Variants in ZEB1 observed in about 807,000 individuals in gnomAD.
The protein encoded by ZEB1 is zinc finger E-box binding homeobox 1.
ZEB1 carries 21 observed loss-of-function variants against 84.9 expected under a neutral mutation model. That is an observed-to-expected ratio of 0.25 (90% CI 0.18 to 0.36). The LOEUF (loss-of-function observed/expected upper bound fraction) is 0.36. ZEB1 is among the 10% of genes least tolerant of loss of function. The probability of loss-of-function intolerance (pLI) is 1.00; values close to 1 mark genes in which losing one functional copy is unlikely to be tolerated. For missense variants in ZEB1, 1,104 were observed against 1,330.2 expected (o/e 0.83, Z 2.65); for synonymous variants, 420 against 471.1 (o/e 0.89, Z 1.41).
rs751082362 is a variant in ZEB1 at position 31,521,677 on chromosome 10, G to C, written c.2345G>C (p.Ser782Thr). The C allele has an allele frequency of 1.2e-6, 2 of 1,614,158 alleles. No homozygotes were observed. The highest frequency in any genetic ancestry group is 2.2e-5 in the South Asian group (2 of 91,082). The change falls in exon 7 of 9, where the codon AGT (serine) becomes ACT (threonine). Residue 782 changes from serine to threonine, a missense_variant. This residue lies in a region of ZEB1 where 531 missense variants were observed against 575.2 expected (regional missense o/e 0.92). Coordinates refer to ENST00000424869, the MANE Select transcript of ZEB1 (RefSeq NM_001174096.2). ...GCAAAAAAGGAGCCACAAAAGGACA[G>C]TTGTGTTACAGACTCAGAACCAGTT... The part of the protein sequence containing the change: ...SCAKKEPQKD[S>T]CVTDSEPVVN...
At chr10:31,337,397 A>G (rs2038360158) in intron 1 of ZEB1, among the ~76,000 whole-genome samples, 1 of 152,056 alleles carries the variant, frequency 6.6e-6, no homozygotes, top group Non-Finnish European at 1.5e-5. Flanking sequence ...TTATTGTATT[A>G]CTTATTATAC....
chr10:31,437,392 A>G (rs1489290210), intron 1 of ZEB1, among the ~76,000 whole-genome samples: 1 of 152,232 alleles, frequency 6.6e-6, no homozygotes, highest in Non-Finnish European at 1.5e-5. Context: ...TTGACAACTC[A>G]AGCTTGTAAC....
chr10:31,333,120 A>G (rs1009939537), intron 1 of ZEB1, among the ~76,000 whole-genome samples: 3 of 152,160 alleles, frequency 2.0e-5, no homozygotes, highest in Admixed American at 2.0e-4. Flanking sequence ...AAATGGTATA[A>G]AGCAGTAAGG....
intron 1 of ZEB1, among the ~76,000 whole-genome samples, chr10:31,454,708 T>C (rs1409327403): frequency 6.6e-6 from 1 of 152,148 alleles, no homozygotes; most frequent in Non-Finnish European, 1.5e-5. Context: ...TTACAAGGGA[T>C]GTGAAGGACC....
At chr10:31,458,798 A>C (rs1160221240) in intron 1 of ZEB1, among the ~76,000 whole-genome samples, 1 of 152,120 alleles carries the variant, frequency 6.6e-6, no homozygotes, top group Non-Finnish European at 1.5e-5. Context: ...ACAGGCAAAA[A>C]AATTATCAAT....
chr10:31,396,211 A>G (rs1056351016), intron 1 of ZEB1, among the ~76,000 whole-genome samples: 1 of 152,230 alleles, frequency 6.6e-6, no homozygotes, highest in Non-Finnish European at 1.5e-5. Flanking sequence ...CATTTATTTA[A>G]TAATTACTTA....
chr10:31,514,579 A>C (rs748591115), intron 5 of ZEB1, 24 bp from the exon 6 acceptor site: 1 of 1,600,606 alleles, frequency 6.2e-7, no homozygotes, highest in Non-Finnish European at 8.6e-7. Flanking sequence ...CTTTTCAAAT[A>C]AAATACCAGT....
At chr10:31,470,177 C>A (rs1366363932) in intron 2 of ZEB1, among the ~76,000 whole-genome samples, 1 of 152,210 alleles carries the variant, frequency 6.6e-6, no homozygotes, top group Non-Finnish European at 1.5e-5. Flanking sequence ...CAAAGGAACG[C>A]AATTCCTCAC....
chr10:31,458,152 T>G (rs2061444718), intron 1 of ZEB1, among the ~76,000 whole-genome samples: 1 of 152,112 alleles, frequency 6.6e-6, no homozygotes, highest in African/African-American at 2.4e-5. Flanking sequence ...AGTATAGAAT[T>G]GATTAATCCT....
chr10:31,440,176 C>G (rs2058751583), intron 1 of ZEB1, among the ~76,000 whole-genome samples: 1 of 152,046 alleles, frequency 6.6e-6, no homozygotes, highest in Non-Finnish European at 1.5e-5. Flanking sequence ...GACTTTTGGC[C>G]TGAACAACTG....
chr10:31,389,417 G>T (rs921731385), intron 1 of ZEB1, among the ~76,000 whole-genome samples: 4 of 152,024 alleles, frequency 2.6e-5, no homozygotes, highest in African/African-American at 7.2e-5. Flanking sequence ...TCAGGTTTCT[G>T]ATTTGTCTTT....
Position 31,520,104 on chromosome 10 carries a change from ATTTGTTTG to A in ZEB1, c.794-10_794-3del, listed in dbSNP as rs760495450. The A allele has an allele frequency of 2.5e-6, 4 of 1,611,492 alleles. No individual in the cohort carries two copies. The highest frequency in any genetic ancestry group is 2.5e-6 in the Non-Finnish European group (3 of 1,179,030). On this transcript the variant is annotated splice_polypyrimidine_tract_variant and intron_variant, in intron 6 of 8. Coordinates refer to ENST00000424869, the MANE Select transcript of ZEB1 (RefSeq NM_001174096.2). The surrounding 1 kb of genome is among the most constrained non-coding windows in gnomAD (Gnocchi z 5.1). ...TATATGTAATAATTCAGTGAATATA[ATTTGTTTG>A]TTTGTTTGTTTAGGAGAGAAGCCAT...
chr10:31,523,871 T>C, intron 7 of ZEB1, 62 bp from the exon 8 acceptor site: 7 of 1,561,780 alleles, frequency 4.5e-6, no homozygotes, highest in Non-Finnish European at 5.3e-6. Context: ...CATGCTTTTA[T>C]GTATATCTCT....
chr10:31,488,739 C>A (rs907217813), intron 2 of ZEB1, among the ~76,000 whole-genome samples: 4 of 150,962 alleles, frequency 2.6e-5, no homozygotes, highest in Non-Finnish European at 5.9e-5. Context: ...CCTTTTTGAT[C>A]CATAGATTCT....
At chr10:31,516,842 GC>G (rs1330829520) in intron 6 of ZEB1, among the ~76,000 whole-genome samples, 4 of 151,992 alleles carry the variant, frequency 2.6e-5, no homozygotes, top group East Asian at 1.9e-4. Context: ...TAAGTACACA[GC>G]TCTCTGATGG....
intron 2 of ZEB1, among the ~76,000 whole-genome samples, chr10:31,461,547 C>A (rs1039102034): frequency 1.3e-4 from 19 of 152,000 alleles, no homozygotes; most frequent in African/African-American, 4.6e-4. Context: ...AATGAATACT[C>A]TACTTAGAAA....
At chr10:31,482,803 A>G (rs2065216191) in intron 2 of ZEB1, among the ~76,000 whole-genome samples, 1 of 151,852 alleles carries the variant, frequency 6.6e-6, no homozygotes, top group African/African-American at 2.4e-5. Flanking sequence ...TAATAAAACA[A>G]AAGGAAAAAT....
chr10:31,405,837 C>T (rs2052899539), intron 1 of ZEB1, among the ~76,000 whole-genome samples: 1 of 152,070 alleles, frequency 6.6e-6, no homozygotes, highest in Admixed American at 6.5e-5. Context: ...AATGCTATCC[C>T]CCACCTAGCC....
Position 31,376,312 on chromosome 10 carries a change from C to T in ZEB1, c.58+57020C>T, listed in dbSNP as rs532548781. ...GATCTGTAGTATATTAATTTTAATC[C>T]GCTCATACTCCTCATGAAATGAGGT... is the stretch of plus-strand genomic sequence containing the variant. On this transcript the variant is annotated intron_variant, in intron 1 of 8. Transcript: ENST00000424869. Among the ~76,000 whole-genome samples, 9 of 151,644 alleles carry T rather than the reference C, an allele frequency of 5.9e-5. No individual in the cohort carries two copies. In the East Asian group the frequency reaches 9.7e-4, roughly 16 times the overall value.
Sources: allele counts gnomAD v4.1 joint callset (sites outside exome capture counted in the v4.1 genomes callset), GRCh38; gene constraint gnomAD v4.1.1; regional missense constraint gnomAD v4.1.1; non-coding constraint Gnocchi (gnomAD v3.1); transcripts MANE v1.5; gene names NCBI Gene and HGNC (gene_info 2026-07-23, HGNC 2026-07-21).